The following CNTNAP2 variants were observed in gnomAD, a reference collection of about 807,000 sequenced individuals.
The protein encoded by CNTNAP2 is contactin associated protein 2.
Under a neutral mutation model 155.2 loss-of-function variants are expected in CNTNAP2, and 98 were observed. The ratio of observed to expected loss-of-function variants is 0.63; its 90% CI spans 0.54 to 0.75. The LOEUF (loss-of-function observed/expected upper bound fraction) is 0.75. CNTNAP2 is among the 30% of genes least tolerant of loss of function. The pLI, the probability that CNTNAP2 is intolerant of heterozygous loss-of-function variation, is 0.00. For missense variants in CNTNAP2, 1,727 were observed against 1,688.1 expected, an observed-to-expected ratio of 1.02 and a Z score of -0.40; for synonymous variants, 651 against 631.2, an observed-to-expected ratio of 1.03 and a Z score of -0.47.
intron 13 of CNTNAP2, among the ~76,000 whole-genome samples, chr7:147,802,644 C>T (rs887365591): frequency 3.3e-5 from 5 of 152,010 alleles, no homozygotes; most frequent in Admixed American, 6.5e-5. Context: ...GGCGTGGCGG[C>T]GCGCACCTGC....
chr7:146,186,070 C>G (rs1798619428), intron 1 of CNTNAP2, among the ~76,000 whole-genome samples: 1 of 152,098 alleles, frequency 6.6e-6, no homozygotes, highest in Non-Finnish European at 1.5e-5. Context: ...GTGCATACAG[C>G]CAGATTTTTG....
intron 9 of CNTNAP2, among the ~76,000 whole-genome samples, chr7:147,374,183 A>T (rs983236449): frequency 6.6e-6 from 1 of 152,074 alleles, no homozygotes; most frequent in African/African-American, 2.4e-5. Context: ...ACTTAAACAT[A>T]TGTACATTAT....
intron 1 of CNTNAP2, among the ~76,000 whole-genome samples, chr7:146,242,773 A>T (rs889680940): frequency 4.6e-5 from 7 of 152,178 alleles, no homozygotes; most frequent in Non-Finnish European, 7.4e-5. Flanking sequence ...TAAAAAATTA[A>T]TTCATCATAA....
At chr7:146,722,766 C>T (rs1470398083) in intron 1 of CNTNAP2, among the ~76,000 whole-genome samples, 1 of 152,062 alleles carries the variant, frequency 6.6e-6, no homozygotes, top group African/African-American at 2.4e-5. Flanking sequence ...CCTGTAATCC[C>T]AGCACTTTGG....
intron 13 of CNTNAP2, among the ~76,000 whole-genome samples, chr7:147,748,418 C>A (rs1001573650): frequency 6.6e-6 from 1 of 152,022 alleles, no homozygotes; most frequent in South Asian, 2.1e-4. Flanking sequence ...GTCCAAGACA[C>A]CCCCTTTGAT....
rs763302130 is a variant in CNTNAP2, at chr7:147,314,107, T to G, written c.1498+13817T>G. Among the ~76,000 whole-genome samples, 192 of 152,300 alleles carry G rather than the reference T, an allele frequency of 1.3e-3. 1 individual carries two copies. Among genetic ancestry groups the G allele is most frequent in the Non-Finnish European group, 2.3e-3 (156 of 68,028 alleles). On this transcript the variant is annotated intron_variant, in intron 9 of 23. Transcript: ENST00000361727. ...AAGAATGCATGTGATTTTTGTACAT[T>G]GATTTTGTATCCTGAAACTTTGCTG... is the stretch of plus-strand genomic sequence containing the variant.
At chr7:147,595,104 T>C (rs1800803787) in intron 12 of CNTNAP2, among the ~76,000 whole-genome samples, 1 of 152,130 alleles carries the variant, frequency 6.6e-6, no homozygotes, top group South Asian at 2.1e-4. Context: ...AATGCAGAGA[T>C]ACCCAGATTG....
At chr7:146,588,734 T>C (rs1297838880) in intron 1 of CNTNAP2, among the ~76,000 whole-genome samples, 2 of 152,040 alleles carry the variant, frequency 1.3e-5, no homozygotes, top group African/African-American at 4.8e-5. Context: ...GTTTCCAACT[T>C]GTGGGCTCAA....
At chr7:146,358,992 A>G (rs1396137624) in intron 1 of CNTNAP2, among the ~76,000 whole-genome samples, 1 of 152,226 alleles carries the variant, frequency 6.6e-6, no homozygotes, top group African/African-American at 2.4e-5. Context: ...CTTGTCTGCA[A>G]AGCAGCTGCT....
intron 3 of CNTNAP2, among the ~76,000 whole-genome samples, chr7:146,898,508 T>TA (rs202048889): frequency 1.8e-3 from 266 of 144,976 alleles, no homozygotes; most frequent in South Asian, 4.8e-3. Flanking sequence ...ATAATAATAA[T>TA]AAAAAAAAAA....
intron 8 of CNTNAP2, among the ~76,000 whole-genome samples, chr7:147,197,782 A>G (rs1023314618): frequency 1.3e-5 from 2 of 152,232 alleles, no homozygotes; most frequent in East Asian, 3.8e-4. Flanking sequence ...ATAGCTTTAT[A>G]TTGGTTTCTA....
chr7:147,558,462 G>C (rs1799992097), intron 11 of CNTNAP2, among the ~76,000 whole-genome samples: 1 of 152,108 alleles, frequency 6.6e-6, no homozygotes, highest in Non-Finnish European at 1.5e-5. Flanking sequence ...CGTCATTTGG[G>C]AGCTTGTCAT....
intron 1 of CNTNAP2, among the ~76,000 whole-genome samples, chr7:146,739,008 CTT>C (rs753519317): frequency 6.6e-6 from 1 of 151,672 alleles, no homozygotes; most frequent in Non-Finnish European, 1.5e-5. Flanking sequence ...TTGTTTCTGA[CTT>C]AGTCTTTCTC....
chr7:147,557,634 A>G (rs1799976429), intron 11 of CNTNAP2, among the ~76,000 whole-genome samples: 1 of 151,958 alleles, frequency 6.6e-6, no homozygotes, highest in East Asian at 1.9e-4. Flanking sequence ...CCCAGCTAGG[A>G]CTCCACTGGG....
At chr7:146,815,500 CTA>C (rs980668573) in intron 2 of CNTNAP2, among the ~76,000 whole-genome samples, 1 of 152,022 alleles carries the variant, frequency 6.6e-6, no homozygotes, top group Admixed American at 6.6e-5. Context: ...GTGTGTGTGT[CTA>C]TATATATACA....
rs150308024 is a variant in CNTNAP2, at chr7:147,114,637, G to T, written c.754+6287G>T. 2.3e-3 allele frequency among the ~76,000 whole-genome samples: 352 copies of T among 152,216 alleles called. 8 individuals carry two copies. The East Asian group carries it at 0.05, about 22-fold the overall frequency. On this transcript the variant is annotated intron_variant, in intron 5 of 23. Coordinates refer to ENST00000361727, the MANE Select transcript of CNTNAP2 (RefSeq NM_014141.6). Reference sequence around the variant, plus strand: ...GTCAGAAACTACAATTGCAACCCCTGCTTTTTTCTGTTTTCCATTTGCTTG... The same window carrying T: ...GTCAGAAACTACAATTGCAACCCCTTCTTTTTTCTGTTTTCCATTTGCTTG...
chr7:146,467,655 T>A (rs923637895), intron 1 of CNTNAP2, among the ~76,000 whole-genome samples: 7 of 152,180 alleles, frequency 4.6e-5, no homozygotes, highest in Non-Finnish European at 8.8e-5. Context: ...AGTTTCCTGA[T>A]TTATAATTAT....
At chr7:147,737,770 G>T (rs556661174) in intron 13 of CNTNAP2, among the ~76,000 whole-genome samples, 1 of 152,170 alleles carries the variant, frequency 6.6e-6, no homozygotes, top group South Asian at 2.1e-4. Flanking sequence ...TCTCAGACAC[G>T]CTGTGCTAGC....
intron 1 of CNTNAP2, among the ~76,000 whole-genome samples, chr7:146,640,155 C>T (rs1340383641): frequency 6.6e-6 from 1 of 152,234 alleles, no homozygotes; most frequent in Non-Finnish European, 1.5e-5. Context: ...CTTAGCAAAA[C>T]ATTTTTATGT....
Sources: gnomAD v4.1 joint callset for allele counts (sites outside exome capture counted in the v4.1 genomes callset) on GRCh38, gnomAD v4.1.1 for gene constraint, MANE v1.5 for transcripts, NCBI Gene and HGNC (gene_info 2026-07-23, HGNC 2026-07-21) for gene names.